PDE4D: variants seen among roughly 807,000 people sequenced by gnomAD.
PDE4D encodes phosphodiesterase 4D.
In PDE4D, 24 loss-of-function variants were observed where a neutral mutation model predicts 87.4. That is an observed-to-expected ratio of 0.27 (90% confidence interval 0.20 to 0.39). PDE4D has a LOEUF of 0.39. Ranked by LOEUF, PDE4D falls within the 10% of genes least tolerant of loss-of-function variation. The pLI is 1.00. For synonymous variants in PDE4D, 384 were observed against 383.2 expected (o/e 1.00, Z -0.02); for missense variants, 714 against 1,041.0 (o/e 0.69, Z 4.32).
intron 1 of PDE4D, among the ~76,000 whole-genome samples, chr5:60,227,728 T>C (rs963932342): frequency 3.3e-5 from 5 of 152,086 alleles, no homozygotes; most frequent in African/African-American, 1.2e-4. Flanking sequence ...CTTGGCCTCT[T>C]AAATTGGTTC....
intron 1 of PDE4D, among the ~76,000 whole-genome samples, chr5:59,775,363 G>A (rs867803832): frequency 6.6e-6 from 1 of 151,858 alleles, no homozygotes; most frequent in Non-Finnish European, 1.5e-5. Flanking sequence ...GAATTACTGA[G>A]AAAAAAATAA....
chr5:59,740,370 T>C (rs1229825215), intron 1 of PDE4D, among the ~76,000 whole-genome samples: 2 of 152,190 alleles, frequency 1.3e-5, no homozygotes, highest in Non-Finnish European at 2.9e-5. Flanking sequence ...ATTTTTGTTC[T>C]AAAAGGGAAA....
intron 1 of PDE4D, among the ~76,000 whole-genome samples, chr5:60,353,133 A>T (rs1197953588): frequency 5.3e-5 from 8 of 152,312 alleles, no homozygotes; most frequent in African/African-American, 1.7e-4. Flanking sequence ...GGGCTGCTGG[A>T]GGAACTGCTG....
At chr5:59,583,385 C>T (rs1824543132) in intron 1 of PDE4D, among the ~76,000 whole-genome samples, 1 of 152,148 alleles carries the variant, frequency 6.6e-6, no homozygotes. Context: ...TCCTGAATGC[C>T]AGGCTATCTC....
At chr5:59,053,087 G>A (rs1451180704) in intron 5 of PDE4D, among the ~76,000 whole-genome samples, 1 of 151,814 alleles carries the variant, frequency 6.6e-6, no homozygotes, top group African/African-American at 2.4e-5. Context: ...CAGTATTGAT[G>A]GTATCTGCTA....
At chr5:59,185,557 C>T (rs1742707831) in intron 3 of PDE4D, among the ~76,000 whole-genome samples, 1 of 152,048 alleles carries the variant, frequency 6.6e-6, no homozygotes, top group Non-Finnish European at 1.5e-5. Flanking sequence ...AGGCAATACA[C>T]AGATAACATG....
intron 1 of PDE4D, among the ~76,000 whole-genome samples, chr5:59,273,442 A>G (rs1764233751): frequency 6.6e-6 from 1 of 152,140 alleles, no homozygotes. Flanking sequence ...AATAAATATA[A>G]TAGATGTGTC....
intron 1 of PDE4D, among the ~76,000 whole-genome samples, chr5:59,303,240 G>T (rs1561916500): frequency 2.0e-5 from 3 of 151,930 alleles, no homozygotes; most frequent in African/African-American, 7.3e-5. Flanking sequence ...GGGATTGTTT[G>T]TTTTTTTCTT....
chr5:59,093,731 G>A (rs1561472976), intron 5 of PDE4D, among the ~76,000 whole-genome samples: 4 of 152,190 alleles, frequency 2.6e-5, no homozygotes, highest in African/African-American at 4.8e-5. Context: ...ACCTGTATAT[G>A]TCTTGCTTTT....
intron 5 of PDE4D, among the ~76,000 whole-genome samples, chr5:59,081,897 T>C (rs902659113): frequency 2.6e-5 from 4 of 152,248 alleles, no homozygotes; most frequent in Non-Finnish European, 5.9e-5. Flanking sequence ...GTGAAGATAA[T>C]TGAATCATAG....
intron 2 of PDE4D, among the ~76,000 whole-genome samples, chr5:60,135,778 G>A (rs905667210): frequency 6.6e-5 from 10 of 152,118 alleles, no homozygotes; most frequent in African/African-American, 2.4e-4. Flanking sequence ...GGACACTAAG[G>A]TGGGACATTT....
intron 1 of PDE4D, among the ~76,000 whole-genome samples, chr5:59,402,924 G>C (rs1219703020): frequency 1.3e-5 from 2 of 151,808 alleles, no homozygotes; most frequent in African/African-American, 4.8e-5. Flanking sequence ...TAAACATTCA[G>C]TGTTCTATTG....
chr5:60,024,020 A>G (rs922699375), intron 2 of PDE4D, among the ~76,000 whole-genome samples: 2 of 152,196 alleles, frequency 1.3e-5, no homozygotes, highest in African/African-American at 2.4e-5. Context: ...ACAAAATACA[A>G]TATTTTTAAT....
At chr5:60,502,731 T>C (rs1268055182) in intron 1 of PDE4D, among the ~76,000 whole-genome samples, 1 of 152,188 alleles carries the variant, frequency 6.6e-6, no homozygotes, top group Non-Finnish European at 1.5e-5. Flanking sequence ...AAATAGTTGA[T>C]CCATGCTTTT....
intron 5 of PDE4D, among the ~76,000 whole-genome samples, chr5:59,076,193 T>C (rs1252059024): frequency 6.6e-6 from 1 of 152,204 alleles, no homozygotes; most frequent in Non-Finnish European, 1.5e-5. Flanking sequence ...TTATACAGTG[T>C]GTACTTTACA....
chr5:59,447,523 G>T (rs1798522738), intron 1 of PDE4D, among the ~76,000 whole-genome samples: 1 of 152,122 alleles, frequency 6.6e-6, no homozygotes, highest in South Asian at 2.1e-4. Context: ...AGTAAACCAA[G>T]CACAATACAG....
At chr5:59,454,119 C>A (rs1799555095) in intron 1 of PDE4D, among the ~76,000 whole-genome samples, 2 of 152,198 alleles carry the variant, frequency 1.3e-5, no homozygotes, top group South Asian at 4.1e-4. Flanking sequence ...GCATGATTTA[C>A]TAGATATTTT....
chr5:58,976,121 G>GGT (rs1272558321), intron 13 of PDE4D, among the ~76,000 whole-genome samples: 2 of 152,030 alleles, frequency 1.3e-5, no homozygotes, highest in East Asian at 3.9e-4. Flanking sequence ...GGTTCTGTGG[G>GGT]GTGTTTGTTT....
intron 1 of PDE4D, among the ~76,000 whole-genome samples, chr5:59,874,579 A>T (rs181287685): frequency 0.023 from 3,467 of 151,606 alleles, 131 homozygotes; most frequent in African/African-American, 0.08. Context: ...TATCCATTTT[A>T]AAAAAAAATA....
Sources: allele counts gnomAD v4.1 joint callset (sites outside exome capture counted in the v4.1 genomes callset), GRCh38; gene constraint gnomAD v4.1.1; transcripts MANE v1.5; gene names NCBI Gene and HGNC (gene_info 2026-07-23, HGNC 2026-07-21).